NRXN3: variants seen among roughly 807,000 people sequenced by gnomAD.
NRXN3 encodes neurexin 3, also known as neurexin III.
NRXN3 carries 32 observed loss-of-function variants against 137.6 expected under a neutral mutation model. That is an observed-to-expected ratio of 0.23 (90% CI 0.18 to 0.31). NRXN3 has a LOEUF of 0.31. NRXN3 is among the 10% of genes least tolerant of loss of function. The pLI, the probability that NRXN3 is intolerant of heterozygous loss-of-function variation, is 1.00. For synonymous variants in NRXN3, 798 were observed against 784.5 expected, an observed-to-expected ratio of 1.02 and a Z score of -0.29; for missense variants, 1,574 against 2,062.5, an observed-to-expected ratio of 0.76 and a Z score of 4.59.
At chr14:78,633,052 G>C (rs1026828659) in intron 4 of NRXN3, among the ~76,000 whole-genome samples, 17 of 151,308 alleles carry the variant, frequency 1.1e-4, no homozygotes, top group African/African-American at 4.1e-4. Flanking sequence ...TGGCTAACAC[G>C]GTGAAACCCC....
intron 15 of NRXN3, among the ~76,000 whole-genome samples, chr14:79,256,492 C>T (rs1050898648): frequency 5.9e-5 from 9 of 152,120 alleles, no homozygotes; most frequent in African/African-American, 1.9e-4. Context: ...GTAGAGTGCC[C>T]CCTAGCACCT....
intron 4 of NRXN3, among the ~76,000 whole-genome samples, chr14:78,430,342 G>A (rs1423185467): frequency 1.3e-5 from 2 of 152,194 alleles, no homozygotes; most frequent in East Asian, 3.9e-4. Context: ...CATCTGTGGG[G>A]TGAACCCTGG....
At chr14:79,742,657 C>A (rs1172553276) in intron 19 of NRXN3, among the ~76,000 whole-genome samples, 1 of 152,114 alleles carries the variant, frequency 6.6e-6, no homozygotes, top group Non-Finnish European at 1.5e-5. Context: ...AGGACTATTG[C>A]CTGGCCCACT....
intron 4 of NRXN3, among the ~76,000 whole-genome samples, chr14:78,373,546 T>A (rs1319380950): frequency 6.6e-6 from 1 of 152,188 alleles, no homozygotes; most frequent in African/African-American, 2.4e-5. Context: ...ACTACAGCTG[T>A]TCATGGAGAC....
chr14:78,315,537 G>T (rs2078604543), intron 4 of NRXN3, among the ~76,000 whole-genome samples: 1 of 152,186 alleles, frequency 6.6e-6, no homozygotes. Flanking sequence ...GAAGTATTTT[G>T]TTGTATTTTA....
chr14:78,993,494 C>T (rs959801365), intron 15 of NRXN3, among the ~76,000 whole-genome samples: 8 of 152,112 alleles, frequency 5.3e-5, no homozygotes, highest in East Asian at 1.9e-4. Context: ...GTTCATTCCC[C>T]GCCATTGTTT....
At chr14:79,144,554 G>T (rs2059117607) in intron 15 of NRXN3, among the ~76,000 whole-genome samples, 1 of 152,108 alleles carries the variant, frequency 6.6e-6, no homozygotes, top group African/African-American at 2.4e-5. Flanking sequence ...TGTCTGGGTA[G>T]CCTTGCTCTA....
intron 15 of NRXN3, among the ~76,000 whole-genome samples, chr14:79,162,572 T>G (rs550907330): frequency 2.6e-5 from 4 of 151,830 alleles, no homozygotes; most frequent in Non-Finnish European, 5.9e-5. Context: ...AGAAGACATT[T>G]ATGCAGCCAA....
chr14:79,231,425 T>C (rs1455371981), intron 15 of NRXN3, among the ~76,000 whole-genome samples: 1 of 152,154 alleles, frequency 6.6e-6, no homozygotes, highest in Non-Finnish European at 1.5e-5. Context: ...AACAGATAAT[T>C]AAGGAAAACC....
chr14:79,726,657 C>G (rs2098891353), intron 19 of NRXN3, among the ~76,000 whole-genome samples: 1 of 152,236 alleles, frequency 6.6e-6, no homozygotes, highest in Middle Eastern at 3.4e-3. Flanking sequence ...TTTTACATGC[C>G]TGGTACTATT....
Position 79,353,410 on chromosome 14 carries a change from C to T in NRXN3, c.3263-113811C>T, listed in dbSNP as rs184647482. Among the ~76,000 whole-genome samples the T allele has an allele frequency of 5.8e-3, 879 of 152,056 alleles. 7 individuals carry two copies. The highest frequency in any genetic ancestry group is 7.3e-3 in the Non-Finnish European group (495 of 67,934). On this transcript the variant is annotated intron_variant, in intron 15 of 20. Transcript: ENST00000335750. ...AGCTTCCTCTTGCCTTCCTTTTCTC[C>T]CCCTTCATTTCTGTCACCCTGCCTT... is the stretch of plus-strand genomic sequence containing the variant.
intron 10 of NRXN3, among the ~76,000 whole-genome samples, chr14:78,811,962 C>T (rs2098915016): frequency 6.6e-6 from 1 of 152,130 alleles, no homozygotes; most frequent in South Asian, 2.1e-4. Flanking sequence ...AACATCCTTT[C>T]TCTCCAAAGC....
At chr14:78,704,180 T>G (rs879050579) in intron 6 of NRXN3, among the ~76,000 whole-genome samples, 1 of 152,184 alleles carries the variant, frequency 6.6e-6, no homozygotes, top group Non-Finnish European at 1.5e-5. Context: ...CTTGGAAGAA[T>G]TTGAAGTAAT....
intron 16 of NRXN3, among the ~76,000 whole-genome samples, chr14:79,620,144 G>T (rs7146713): frequency 0.069 from 10,549 of 152,076 alleles, 1,228 homozygotes; most frequent in African/African-American, 0.24. Context: ...TATATATGGG[G>T]CACGATTGAA....
intron 15 of NRXN3, among the ~76,000 whole-genome samples, chr14:79,071,526 T>C (rs1433843319): frequency 6.6e-6 from 1 of 152,178 alleles, no homozygotes; most frequent in Non-Finnish European, 1.5e-5. Context: ...ACCCAACCAA[T>C]GGATTTGCAG....
chr14:78,728,943 C>G (rs1444407737), intron 8 of NRXN3, among the ~76,000 whole-genome samples: 2 of 152,114 alleles, frequency 1.3e-5, no homozygotes, highest in Non-Finnish European at 2.9e-5. Context: ...ATTTGAATCC[C>G]AGTTCCATTG....
At chr14:79,365,119 T>C (rs1242255770) in intron 15 of NRXN3, among the ~76,000 whole-genome samples, 2 of 152,040 alleles carry the variant, frequency 1.3e-5, no homozygotes, top group African/African-American at 2.4e-5. Context: ...ACATTTCGGG[T>C]GGTGGTGTTT....
At chr14:78,694,300 A>G (rs1253438545) in intron 6 of NRXN3, among the ~76,000 whole-genome samples, 1 of 151,972 alleles carries the variant, frequency 6.6e-6, no homozygotes, top group East Asian at 1.9e-4. Flanking sequence ...TGTGTGAAAA[A>G]CTGAATAAAT....
chr14:78,413,288 G>T (rs1382686157), intron 4 of NRXN3, among the ~76,000 whole-genome samples: 1 of 152,118 alleles, frequency 6.6e-6, no homozygotes, highest in Admixed American at 6.6e-5. Context: ...GGCTAAGTTT[G>T]TTTGTTTGTT....
Sources: gnomAD v4.1 joint callset for allele counts (sites outside exome capture counted in the v4.1 genomes callset) on GRCh38, gnomAD v4.1.1 for gene constraint, MANE v1.5 for transcripts, NCBI Gene and HGNC (gene_info 2026-07-23, HGNC 2026-07-21) for gene names.